Variants in IFT88 observed in about 807,000 individuals in gnomAD.
The protein encoded by IFT88 is intraflagellar transport protein 88 homolog.
In IFT88, 74 loss-of-function variants were observed where a neutral mutation model predicts 119.5. The observed-to-expected ratio is 0.62, with a 90% CI of 0.51 to 0.75. The LOEUF is 0.75. IFT88 is among the 30% of genes least tolerant of loss of function. The pLI, the probability that IFT88 is intolerant of heterozygous loss-of-function variation, is 0.00. For synonymous variants in IFT88, 279 were observed against 316.7 expected, an observed-to-expected ratio of 0.88 and a Z score of 1.26; for missense variants, 961 against 977.7, an observed-to-expected ratio of 0.98 and a Z score of 0.23.
chr13:20,685,028 CCA>C (rs2057744661), intron 24 of IFT88, among the ~76,000 whole-genome samples: 1 of 152,194 alleles, frequency 6.6e-6, no homozygotes, highest in Non-Finnish European at 1.5e-5. Context: ...GAGCTGAGAG[CCA>C]CAAACGGAAT....
intron 3 of IFT88, among the ~76,000 whole-genome samples, chr13:20,583,631 T>C (rs548439631): frequency 2.6e-5 from 4 of 152,236 alleles, no homozygotes; most frequent in Non-Finnish European, 5.9e-5. Context: ...TTTAGTTTGA[T>C]GTAGTCCCAA....
chr13:20,679,367 A>C (rs559134163), intron 24 of IFT88, among the ~76,000 whole-genome samples: 1 of 152,322 alleles, frequency 6.6e-6, no homozygotes, highest in South Asian at 2.1e-4. Context: ...TCCAGCTACC[A>C]CGGCAGTAGC....
At chr13:20,598,865 C>T (rs1013349317) in intron 10 of IFT88, 112 bp downstream of exon 10, 2 of 638,120 alleles carry the variant, frequency 3.1e-6, no homozygotes, top group Non-Finnish European at 5.5e-6. Context: ...CTAAACAAAT[C>T]AGTATTTATG....
intron 24 of IFT88, among the ~76,000 whole-genome samples, chr13:20,674,749 A>G (rs533927526): frequency 2.8e-5 from 3 of 105,822 alleles, no homozygotes; most frequent in Admixed American, 1.2e-4. Flanking sequence ...TTTTTTTGAG[A>G]CAGAGTCTTG....
At chr13:20,636,946 G>A (rs1031053882) in intron 16 of IFT88, among the ~76,000 whole-genome samples, 3 of 152,266 alleles carry the variant, frequency 2.0e-5, no homozygotes, top group African/African-American at 4.8e-5. Context: ...CCCATACAGC[G>A]GGACATTATT....
chr13:20,664,477 C>CT (rs2054321723), intron 23 of IFT88, among the ~76,000 whole-genome samples: 1 of 152,174 alleles, frequency 6.6e-6, no homozygotes, highest in Admixed American at 6.5e-5. Context: ...CAGACTCACT[C>CT]TCAGCCCTCC....
intron 4 of IFT88, 125 bp from the exon 5 acceptor site, chr13:20,590,842 G>A: frequency 1.5e-6 from 1 of 652,644 alleles, no homozygotes; most frequent in Non-Finnish European, 2.7e-6. Flanking sequence ...ACGCCCAGGA[G>A]GTACAAGGAA....
intron 22 of IFT88, among the ~76,000 whole-genome samples, chr13:20,660,505 C>T: frequency 6.6e-6 from 1 of 152,198 alleles, no homozygotes. Flanking sequence ...AGGTCCAAAT[C>T]AAAAGATTGT....
chr13:20,674,644 T>TTA (rs1200620163), intron 24 of IFT88, among the ~76,000 whole-genome samples: 1 of 150,894 alleles, frequency 6.6e-6, no homozygotes, highest in East Asian at 1.9e-4. Context: ...GAAATTCACT[T>TTA]TATGGTATCT....
intron 13 of IFT88, among the ~76,000 whole-genome samples, chr13:20,613,951 A>ACAAAG (rs56032841): frequency 6.6e-6 from 1 of 152,076 alleles, no homozygotes; most frequent in Non-Finnish European, 1.5e-5. Flanking sequence ...ATCTATAAAG[A>ACAAAG]TTTGCCAGGG....
rs549993869 is a variant in IFT88 at position 20,635,902 on chromosome 13, A to C, written c.1387-2430A>C. Among the ~76,000 whole-genome samples the C allele has an allele frequency of 7.9e-5, 12 of 152,240 alleles. No homozygotes were observed. In the East Asian group the frequency reaches 2.3e-3, roughly 29 times the overall value. On this transcript the variant is annotated intron_variant, in intron 16 of 25. Coordinates refer to ENST00000351808, the MANE Select transcript of IFT88 (RefSeq NM_006531.5). Reference sequence around the variant, plus strand: ...GTTTGTTTTTAACCTAAAGTAAAAAATAAAAAAAAAAGGAAAGAAATAGCC... The same window carrying C: ...GTTTGTTTTTAACCTAAAGTAAAAACTAAAAAAAAAAGGAAAGAAATAGCC...
chr13:20,623,150 C>A (rs2046792684), intron 14 of IFT88, among the ~76,000 whole-genome samples: 1 of 152,210 alleles, frequency 6.6e-6, no homozygotes, highest in African/African-American at 2.4e-5. Flanking sequence ...TTCGGGCTCA[C>A]TACTCTATGC....
At chr13:20,621,940 G>A (rs2046585687) in intron 14 of IFT88, among the ~76,000 whole-genome samples, 1 of 152,064 alleles carries the variant, frequency 6.6e-6, no homozygotes. Flanking sequence ...TCTTTTTACT[G>A]TCTCCATAGT....
At chr13:20,572,470 T>A (rs1286453635) in intron 1 of IFT88, among the ~76,000 whole-genome samples, 1 of 152,142 alleles carries the variant, frequency 6.6e-6, no homozygotes. Flanking sequence ...CCACCCGTCT[T>A]GGCCCTCCAA....
chr13:20,630,011 A>G (rs1041519211), intron 15 of IFT88, among the ~76,000 whole-genome samples: 7 of 152,206 alleles, frequency 4.6e-5, no homozygotes, highest in African/African-American at 1.7e-4. Flanking sequence ...CAGACCTGCC[A>G]GGTAGTTAAA....
chr13:20,686,488 A>C (rs1021732720), intron 24 of IFT88, among the ~76,000 whole-genome samples: 7 of 152,208 alleles, frequency 4.6e-5, no homozygotes, highest in Non-Finnish European at 1.5e-5. Context: ...TGAACAGCAT[A>C]AGGTACTGAG....
intron 3 of IFT88, among the ~76,000 whole-genome samples, chr13:20,588,878 T>G (rs1324647403): frequency 6.6e-6 from 1 of 152,192 alleles, no homozygotes; most frequent in South Asian, 2.1e-4. Context: ...CCTTTTAGTC[T>G]TAGGGTGTAG....
intron 24 of IFT88, among the ~76,000 whole-genome samples, chr13:20,687,740 AAAG>A (rs767892124): frequency 7.2e-5 from 11 of 152,204 alleles, no homozygotes; most frequent in Non-Finnish European, 1.0e-4. Flanking sequence ...AAAAAAAAGA[AAAG>A]AAGAAGGGGG....
chr13:20,567,708 G>C, intron 1 of IFT88: 1 of 1,206,860 alleles, frequency 8.3e-7, no homozygotes, highest in Non-Finnish European at 1.0e-6. Context: ...GTTGAATCAG[G>C]AATGAAGATA....
Sources: gnomAD v4.1 joint callset for allele counts (sites outside exome capture counted in the v4.1 genomes callset) on GRCh38, gnomAD v4.1.1 for gene constraint, MANE v1.5 for transcripts, NCBI Gene and HGNC (gene_info 2026-07-23, HGNC 2026-07-21) for gene names.